Variants in ZNF385B observed in about 807,000 individuals in gnomAD.
ZNF385B encodes zinc finger protein 385B.
ZNF385B carries 23 observed loss-of-function variants against 39.2 expected under a neutral mutation model. That is an observed-to-expected ratio of 0.59 (90% CI 0.42 to 0.83). The LOEUF (loss-of-function observed/expected upper bound fraction) is 0.83. Ranked by LOEUF, ZNF385B falls within the 40% of genes least tolerant of loss-of-function variation. ZNF385B has a pLI of 0.00. For missense variants in ZNF385B, 552 were observed against 598.9 expected, an observed-to-expected ratio of 0.92 and a Z score of 0.82; for synonymous variants, 205 against 222.6, an observed-to-expected ratio of 0.92 and a Z score of 0.70.
chr2:179,765,833 A>G (rs1183513423), intron 3 of ZNF385B, among the ~76,000 whole-genome samples: 1 of 151,846 alleles, frequency 6.6e-6, no homozygotes, highest in Non-Finnish European at 1.5e-5. Flanking sequence ...ATTTCCACTT[A>G]CCCCTTGGAA....
At chr2:179,825,909 C>A (rs1047667462) in intron 1 of ZNF385B, among the ~76,000 whole-genome samples, 8 of 152,174 alleles carry the variant, frequency 5.3e-5, no homozygotes, top group East Asian at 3.9e-4. Context: ...ATTGCCCCCC[C>A]ATCTCTGTCC....
chr2:179,606,692 G>C (rs1459848102), intron 3 of ZNF385B, among the ~76,000 whole-genome samples: 2 of 152,112 alleles, frequency 1.3e-5, no homozygotes, highest in African/African-American at 4.8e-5. Flanking sequence ...AAAAATAATG[G>C]AAGAGTTCCT....
intron 3 of ZNF385B, among the ~76,000 whole-genome samples, chr2:179,672,574 C>G (rs1696168515): frequency 6.6e-6 from 1 of 152,094 alleles, no homozygotes; most frequent in Admixed American, 6.6e-5. Flanking sequence ...GAAATCCTAA[C>G]CCCCAAGGCG....
chr2:179,466,319 A>G (rs1019651312), intron 6 of ZNF385B, among the ~76,000 whole-genome samples: 1 of 152,122 alleles, frequency 6.6e-6, no homozygotes, highest in African/African-American at 2.4e-5. Flanking sequence ...AAACATACAT[A>G]TAGATAAAAA....
At chr2:179,531,837 G>T (rs577228974) in intron 4 of ZNF385B, among the ~76,000 whole-genome samples, 1 of 152,206 alleles carries the variant, frequency 6.6e-6, no homozygotes, top group South Asian at 2.1e-4. Context: ...TGGTCCTTGA[G>T]TGGTTCTGTG....
At chr2:179,650,984 C>T (rs910090481) in intron 3 of ZNF385B, among the ~76,000 whole-genome samples, 24 of 152,240 alleles carry the variant, frequency 1.6e-4, no homozygotes, top group Non-Finnish European at 3.5e-4. Context: ...AAATGGCAAA[C>T]ATTTGGAAAC....
intron 3 of ZNF385B, among the ~76,000 whole-genome samples, chr2:179,749,488 G>T (rs1450705920): frequency 1.3e-5 from 2 of 152,152 alleles, no homozygotes; most frequent in African/African-American, 4.8e-5. Context: ...ATGGTCAGCT[G>T]TAACATTCCA....
chr2:179,521,390 G>A (rs551079637), intron 4 of ZNF385B, among the ~76,000 whole-genome samples: 80 of 119,472 alleles, frequency 6.7e-4, no homozygotes, highest in Non-Finnish European at 1.3e-3. Flanking sequence ...AGTAGAGACT[G>A]GGTTTCGTCA....
chr2:179,856,697 G>A (rs1465073528), intron 1 of ZNF385B, among the ~76,000 whole-genome samples: 1 of 150,870 alleles, frequency 6.6e-6, no homozygotes, highest in Non-Finnish European at 1.5e-5. Flanking sequence ...GCAAATAATA[G>A]GGAAATGAGA....
At chr2:179,591,253 T>C (rs947070450) in intron 3 of ZNF385B, among the ~76,000 whole-genome samples, 12 of 152,192 alleles carry the variant, frequency 7.9e-5, no homozygotes, top group African/African-American at 2.9e-4. Flanking sequence ...GTTCTTTCTA[T>C]ATTATCTGTA....
At chr2:179,819,034 T>TACACACAC (rs10556902) in intron 1 of ZNF385B, among the ~76,000 whole-genome samples, 1,482 of 148,186 alleles carry the variant, frequency 0.01, 6 homozygotes, top group Non-Finnish European at 0.014. Context: ...TGTTTATAAA[T>TACACACAC]ACACACACAC....
intron 1 of ZNF385B, among the ~76,000 whole-genome samples, chr2:179,837,663 G>A (rs930272992): frequency 6.6e-5 from 10 of 152,192 alleles, no homozygotes; most frequent in South Asian, 6.2e-4. Flanking sequence ...GAGGGTATTC[G>A]AGTTTACGCA....
chr2:179,521,593 G>A (rs1046323588), intron 4 of ZNF385B, among the ~76,000 whole-genome samples: 10 of 151,938 alleles, frequency 6.6e-5, no homozygotes, highest in Admixed American at 1.3e-4. Context: ...TCTCCATCCT[G>A]AAAGGTAAGT....
At chr2:179,446,460 T>C in intron 7 of ZNF385B, 65 bp downstream of exon 7, 1 of 1,547,364 alleles carries the variant, frequency 6.5e-7, no homozygotes, top group Non-Finnish European at 8.7e-7. Context: ...AAAGATATGG[T>C]ATTCTGATGG....
At chr2:179,449,509 A>G (rs559022817) in intron 6 of ZNF385B, among the ~76,000 whole-genome samples, 1 of 152,298 alleles carries the variant, frequency 6.6e-6, no homozygotes, top group Non-Finnish European at 1.5e-5. Context: ...CAATTGCTTC[A>G]AAGAGAATAA....
At chr2:179,701,419 G>C (rs1191091383) in intron 3 of ZNF385B, among the ~76,000 whole-genome samples, 2 of 152,162 alleles carry the variant, frequency 1.3e-5, no homozygotes. Flanking sequence ...CAGTGTGCTA[G>C]AAACTAAACT....
intron 3 of ZNF385B, among the ~76,000 whole-genome samples, chr2:179,760,808 G>A (rs889624205): frequency 4.6e-5 from 7 of 152,128 alleles, no homozygotes; most frequent in African/African-American, 1.7e-4. Context: ...GCAGAGACTG[G>A]AGTGATGCAG....
intron 3 of ZNF385B, among the ~76,000 whole-genome samples, chr2:179,716,666 C>T (rs1031025068): frequency 1.3e-5 from 2 of 152,218 alleles, no homozygotes; most frequent in Admixed American, 6.5e-5. Context: ...TGGCAAGTTG[C>T]TTTTAACCAA....
chr2:179,629,588 C>T lies in ZNF385B; in HGVS notation c.299-84619G>A, dbSNP rs527694991. On this transcript the variant is annotated intron_variant, in intron 3 of 9. Coordinates refer to ENST00000410066, the MANE Select transcript of ZNF385B (RefSeq NM_152520.6). Reference sequence around the variant, plus strand: ...AAAGGAACAGCTCCAGTCTGCAGCTCCCAGCGTGATCAATGCAGAAGACGG... The same window carrying T: ...AAAGGAACAGCTCCAGTCTGCAGCTTCCAGCGTGATCAATGCAGAAGACGG... 2.3e-3 allele frequency among the ~76,000 whole-genome samples: 352 copies of T among 152,230 alleles called. 1 individual carries two copies. Among genetic ancestry groups the T allele is most frequent in the African/African-American group, 6.7e-3 (279 of 41,552 alleles).
Sources: allele counts gnomAD v4.1 joint callset (sites outside exome capture counted in the v4.1 genomes callset), GRCh38; gene constraint gnomAD v4.1.1; transcripts MANE v1.5; gene names NCBI Gene and HGNC (gene_info 2026-07-23, HGNC 2026-07-21).